NAV2: variants seen among roughly 807,000 people sequenced by gnomAD.
NAV2 encodes neuron navigator 2, also known as helicase, APC down-regulated 1.
Under a neutral mutation model 223.2 loss-of-function variants are expected in NAV2, and 54 were observed. The observed-to-expected ratio is 0.24, with a 90% CI of 0.19 to 0.30. The LOEUF (loss-of-function observed/expected upper bound fraction) is 0.30. Ranked by LOEUF, NAV2 falls within the 10% of genes least tolerant of loss-of-function variation. NAV2 has a pLI of 1.00. For missense variants in NAV2, 2,806 were observed against 3,147.5 expected (o/e 0.89, Z 2.60); for synonymous variants, 1,279 against 1,239.3 (o/e 1.03, Z -0.67).
At chr11:19,941,005 A>ACATCAAAAGAGCGAGGC (rs1209854271) in intron 8 of NAV2, among the ~76,000 whole-genome samples, 3 of 152,206 alleles carry the variant, frequency 2.0e-5, no homozygotes, top group Non-Finnish European at 2.9e-5. Context: ...TGATGTGCAG[A>ACATCAAAAGAGCGAGGC]CATCAAAAGA....
rs370817135 is a variant in NAV2, at chr11:19,430,524, G to A, written c.75+79497G>A. 9.8e-5 allele frequency among the ~76,000 whole-genome samples: 15 copies of A among 152,300 alleles called. No individual in the cohort carries two copies. In the East Asian group the frequency reaches 2.9e-3, roughly 29 times the overall value. ...GTGAGCAGCAAGCCTAGCTGCTGACGCCATCCCCTCACCTGGCTATCACGG... is the reference window on the plus strand; with the variant it reads ...GTGAGCAGCAAGCCTAGCTGCTGACACCATCCCCTCACCTGGCTATCACGG... On this transcript the variant is annotated intron_variant, in intron 1 of 37. Transcript: ENST00000360655.
chr11:19,612,647 A>T (rs943834330), intron 1 of NAV2, among the ~76,000 whole-genome samples: 4 of 152,174 alleles, frequency 2.6e-5, no homozygotes, highest in Non-Finnish European at 5.9e-5. Context: ...AGTTCCCAAC[A>T]AGTTCCTCAT....
At chr11:19,498,594 A>T (rs1053367335) in intron 1 of NAV2, among the ~76,000 whole-genome samples, 3 of 152,168 alleles carry the variant, frequency 2.0e-5, no homozygotes, top group African/African-American at 7.2e-5. Context: ...TCACAAATCC[A>T]TTTGTTTATT....
At chr11:19,441,596 C>T (rs149795736) in intron 1 of NAV2, among the ~76,000 whole-genome samples, 27 of 152,340 alleles carry the variant, frequency 1.8e-4, no homozygotes, top group Middle Eastern at 3.4e-3. Context: ...AAACAACCCA[C>T]TCCTTCATTC....
At chr11:20,042,205 A>C (rs1219545474) in intron 12 of NAV2, among the ~76,000 whole-genome samples, 1 of 152,234 alleles carries the variant, frequency 6.6e-6, no homozygotes, top group Admixed American at 6.5e-5. Flanking sequence ...TTTCTGTAAG[A>C]TTGAGATAAA....
At chr11:19,636,170 C>A (rs2047494562) in intron 1 of NAV2, among the ~76,000 whole-genome samples, 1 of 152,206 alleles carries the variant, frequency 6.6e-6, no homozygotes, top group Non-Finnish European at 1.5e-5. Flanking sequence ...CTGTTGTTGT[C>A]TTAACATCTG....
intron 10 of NAV2, among the ~76,000 whole-genome samples, chr11:19,973,773 G>T (rs1229916700): frequency 6.6e-6 from 1 of 152,162 alleles, no homozygotes; most frequent in Non-Finnish European, 1.5e-5. Context: ...AACGTAGAAG[G>T]CTTTTCCAGA....
intron 1 of NAV2, among the ~76,000 whole-genome samples, chr11:19,480,754 T>G (rs1405941472): frequency 7.2e-5 from 11 of 152,226 alleles, no homozygotes; most frequent in Admixed American, 7.2e-4. Flanking sequence ...ATTCTCTCCT[T>G]TGGCCCTTGT....
chr11:19,953,225 T>C (rs2047543196), intron 10 of NAV2, among the ~76,000 whole-genome samples: 1 of 152,200 alleles, frequency 6.6e-6, no homozygotes. Context: ...AATGACCCTT[T>C]AAATATAACA....
chr11:19,544,174 A>G lies in NAV2; in HGVS notation c.75+193147A>G, dbSNP rs183442850. Among the ~76,000 whole-genome samples the G allele has an allele frequency of 2.0e-5, 3 of 152,342 alleles. No homozygotes were observed. In the East Asian group the frequency reaches 5.8e-4, roughly 29 times the overall value. The stretch of plus-strand genomic sequence containing the variant: ...GAATGAATATTTCTTTGAAATAGCA[A>G]TTATGTTGGCAGAGTTGATTTCCAT... On this transcript the variant is annotated intron_variant, in intron 1 of 37. Transcript: ENST00000360655.
At chr11:20,098,117 C>CT (rs1246366946) in intron 31 of NAV2, among the ~76,000 whole-genome samples, 2 of 152,170 alleles carry the variant, frequency 1.3e-5, no homozygotes, top group African/African-American at 4.8e-5. Context: ...TTGCAATAGG[C>CT]TGTAGGAGTC....
In NAV2 at chr11:19,453,410, G is replaced by A. The variant is rs187409415; in HGVS notation, c.75+102383G>A. Reference sequence around the variant, plus strand: ...GGGCTATTCTTGGGACTCTGACAAAGTGCTACCGGGCAGCAAGATTTAGAT... The same window carrying A: ...GGGCTATTCTTGGGACTCTGACAAAATGCTACCGGGCAGCAAGATTTAGAT... On this transcript the variant is annotated intron_variant, in intron 1 of 37. Coordinates refer to the NAV2 transcript ENST00000360655. Among the ~76,000 whole-genome samples the A allele has an allele frequency of 6.4e-3, 981 of 152,342 alleles. 13 individuals carry two copies. Among genetic ancestry groups the A allele is most frequent in the African/African-American group, 0.022 (919 of 41,576 alleles).
At chr11:19,592,795 T>C (rs1317969038) in intron 1 of NAV2, among the ~76,000 whole-genome samples, 3 of 152,212 alleles carry the variant, frequency 2.0e-5, no homozygotes, top group Non-Finnish European at 4.4e-5. Flanking sequence ...AAGTGCTCAT[T>C]TAGGCACTGC....
At chr11:19,914,433 T>G (rs891796374) in intron 6 of NAV2, among the ~76,000 whole-genome samples, 5 of 152,172 alleles carry the variant, frequency 3.3e-5, no homozygotes, top group Non-Finnish European at 7.4e-5. Context: ...CTCAGAAAAG[T>G]GATACAGGCT....
chr11:20,027,360 C>T, intron 11 of NAV2: 2 of 985,422 alleles, frequency 2.0e-6, no homozygotes, highest in Non-Finnish European at 2.4e-6. Flanking sequence ...CGAGTTCCAC[C>T]AGTCTGGACT....
At chr11:19,859,752 G>A (rs1193402696) in intron 3 of NAV2, among the ~76,000 whole-genome samples, 1 of 150,954 alleles carries the variant, frequency 6.6e-6, no homozygotes, top group East Asian at 2.0e-4. Context: ...CGGACCGGGC[G>A]GCTGGCCGGG....
chr11:19,778,523 CA>C (rs1250747910), intron 1 of NAV2, among the ~76,000 whole-genome samples: 1 of 151,698 alleles, frequency 6.6e-6, no homozygotes, highest in Non-Finnish European at 1.5e-5. Flanking sequence ...AAAAACAAAA[CA>C]CAAAAAAAAC....
intron 1 of NAV2, among the ~76,000 whole-genome samples, chr11:19,581,991 A>C (rs1210733256): frequency 6.6e-6 from 1 of 152,172 alleles, no homozygotes; most frequent in African/African-American, 2.4e-5. Context: ...ACAGTGTAAA[A>C]TTGTTCCTAT....
At chr11:19,494,016 AC>A (rs2042715794) in intron 1 of NAV2, among the ~76,000 whole-genome samples, 1 of 152,166 alleles carries the variant, frequency 6.6e-6, no homozygotes, top group Non-Finnish European at 1.5e-5. Flanking sequence ...GATGACTGAC[AC>A]TGGCCTGATC....
Sources: gnomAD v4.1 joint callset for allele counts (sites outside exome capture counted in the v4.1 genomes callset) on GRCh38, gnomAD v4.1.1 for gene constraint, MANE v1.5 for transcripts, NCBI Gene and HGNC (gene_info 2026-07-23, HGNC 2026-07-21) for gene names.